ACAD10: variants seen among roughly 807,000 people sequenced by gnomAD.
ACAD10 encodes the protein ACAD-10.
ACAD10 carries 112 observed loss-of-function variants against 116.8 expected under a neutral mutation model. The ratio of observed to expected loss-of-function variants is 0.96; its 90% confidence interval spans 0.82 to 1.12. The LOEUF (loss-of-function observed/expected upper bound fraction) is 1.12, where lower values mean the gene tolerates loss of function less well. ACAD10 is among the 50% of genes most tolerant of loss of function. The probability of loss-of-function intolerance (pLI) is 0.00; values close to 1 mark genes in which losing one functional copy is unlikely to be tolerated. For synonymous variants in ACAD10, 486 were observed against 510.6 expected (o/e 0.95, Z 0.65); for missense variants, 1,259 against 1,350.2 (o/e 0.93, Z 1.06).
rs530648304 is a variant in ACAD10, at chr12:111,712,411, C to T, written c.691-87C>T. 215 of 1,227,182 alleles carry T rather than the reference C, an allele frequency of 1.8e-4. 3 individuals are homozygous for T. The South Asian group carries it at 1.9e-3, about 11-fold the overall frequency. The allele number at this position is 1,227,182 out of a possible 1,614,324, so 76.0% of individuals were successfully genotyped here. Reference sequence around the variant, plus strand: ...TGAATTGTAAAATTAAAAATATATACGTGTATATATTCTCAACATCCTGTG... The same window carrying T: ...TGAATTGTAAAATTAAAAATATATATGTGTATATATTCTCAACATCCTGTG... On this transcript the variant is annotated intron_variant, in intron 5 of 20. Coordinates refer to ENST00000313698, the MANE Select transcript of ACAD10 (RefSeq NM_025247.6).
intron 18 of ACAD10, chr12:111,749,776 AAT>A: frequency 6.6e-6 from 1 of 152,218 alleles, no homozygotes; most frequent in Non-Finnish European, 1.5e-5. Context: ...AAAAAAAAAA[AAT>A]TTTTTTTTTT....
intron 18 of ACAD10, 67 bp downstream of exon 18, chr12:111,749,412 C>G: frequency 6.5e-7 from 1 of 1,546,150 alleles, no homozygotes; most frequent in Non-Finnish European, 8.7e-7. Context: ...TGTCGGACTT[C>G]AATTCCTACC....
intron 14 of ACAD10, among the ~76,000 whole-genome samples, chr12:111,746,782 C>T (rs1593053151): frequency 6.6e-6 from 1 of 152,144 alleles, no homozygotes; most frequent in South Asian, 2.1e-4. Flanking sequence ...TGGGGGATCA[C>T]TTGAGGCCAG....
chr12:111,702,377 A>T, intron 3 of ACAD10, 67 bp downstream of exon 3: 1 of 1,560,440 alleles, frequency 6.4e-7, no homozygotes, highest in Non-Finnish European at 8.7e-7. Flanking sequence ...TGCAACATTC[A>T]TGTATAAGTT....
intron 4 of ACAD10, 139 bp downstream of exon 4, chr12:111,706,071 C>T: frequency 2.3e-6 from 2 of 864,172 alleles, no homozygotes; most frequent in African/African-American, 1.7e-5. Context: ...GGTTTAAATG[C>T]AATATGTTGA....
At chr12:111,712,322 C>T (rs1473311237) in intron 5 of ACAD10, among the ~76,000 whole-genome samples, 176 bp from the exon 6 acceptor site, 1 of 152,148 alleles carries the variant, frequency 6.6e-6, no homozygotes, top group African/African-American at 2.4e-5. Context: ...CAGATAGGAG[C>T]CCCTGAGGCC....
chr12:111,702,833 C>G (rs1379299619), intron 3 of ACAD10, among the ~76,000 whole-genome samples: 1 of 151,940 alleles, frequency 6.6e-6, no homozygotes, highest in Non-Finnish European at 1.5e-5. Context: ...GTGGCTAACA[C>G]CTGTAACTTC....
At chr12:111,737,036 C>T (rs371310378) in intron 12 of ACAD10, 32 bp downstream of exon 12, 36 of 1,605,024 alleles carry the variant, frequency 2.2e-5, no homozygotes, top group Admixed American at 6.7e-5. Context: ...AGAGCCACTG[C>T]GGGGTGAGTC....
intron 3 of ACAD10, 148 bp from the exon 4 acceptor site, chr12:111,705,590 C>G: frequency 1.4e-6 from 1 of 692,890 alleles, no homozygotes; most frequent in Non-Finnish European, 2.4e-6. Flanking sequence ...CTGAGGAACA[C>G]AGTTCCTGCA....
chr12:111,727,893 T>C, intron 8 of ACAD10, 69 bp from the exon 9 acceptor site: 1 of 1,468,448 alleles, frequency 6.8e-7, no homozygotes, highest in Non-Finnish European at 9.2e-7. Flanking sequence ...TGACAAAGAA[T>C]AGGGTCATGA....
Position 111,692,731 on chromosome 12 carries a change from C to T in ACAD10, c.22C>T (p.Gln8Ter). 3 of 1,614,094 alleles carry T rather than the reference C, an allele frequency of 1.9e-6. No individual in the cohort carries two copies. The highest frequency in any genetic ancestry group is 2.5e-6 in the Non-Finnish European group (3 of 1,179,994). The change falls in exon 2 of 21, where the codon CAG (glutamine) becomes TAG (stop). Residue 8 changes from glutamine to a stop codon, truncating the protein, a stop_gained. Coordinates refer to ENST00000313698, the MANE Select transcript of ACAD10 (RefSeq NM_025247.6). LOFTEE classifies it high-confidence loss of function. The stretch of plus-strand genomic sequence containing the variant: ...CACCATGTGTGTCAGGAGCTGTTTC[C>T]AGTCCCCCCGTCTCCAGTGGGTGTG... MCVRSCF[Q>*]SPRLQWVWRT... is the part of the protein sequence containing the mutation.
At chr12:111,749,047 C>T (rs750181155) in intron 17 of ACAD10, 126 bp from the exon 18 acceptor site, 1 of 1,613,030 alleles carries the variant, frequency 6.2e-7, no homozygotes, top group South Asian at 1.1e-5. Flanking sequence ...TAACCATGTC[C>T]CAGTAAGAAG....
In ACAD10 at chr12:111,748,252, C is replaced by T. The variant is rs775986416; in HGVS notation, c.2486-65C>T. The T allele has an allele frequency of 3.2e-5, 51 of 1,593,818 alleles. 2 individuals carry two copies. The South Asian group carries it at 3.7e-4, about 12-fold the overall frequency. On this transcript the variant is annotated intron_variant, in intron 16 of 20. Transcript: ENST00000313698. ...CTGTGCCTTTCTTGGGCCAGGACCA[C>T]GTGTGTAGAGATTTGATGGCCCTGG...
chr12:111,754,179 TTGG>T (rs1890146065), intron 19 of ACAD10, among the ~76,000 whole-genome samples: 1 of 152,090 alleles, frequency 6.6e-6, no homozygotes, highest in African/African-American at 2.4e-5. Flanking sequence ...CCCAGGGCCA[TTGG>T]TGGAGGTGTT....
chr12:111,702,769 T>C (rs755201452), intron 3 of ACAD10, among the ~76,000 whole-genome samples: 25 of 152,040 alleles, frequency 1.6e-4, no homozygotes, highest in Non-Finnish European at 3.2e-4. Context: ...CACCCCTAGG[T>C]GTTCAATGTT....
In ACAD10 at chr12:111,748,483, C is replaced by T; in HGVS notation, c.2644+8C>T. On this transcript the variant is annotated splice_region_variant and intron_variant, in intron 17 of 20. Coordinates refer to ENST00000313698, the MANE Select transcript of ACAD10 (RefSeq NM_025247.6). ...GACTGGAAGATGCACCAGGTGAGAC[C>T]TCCAGGGGCGGGTCACCCCTGGGTG... 1.9e-6 allele frequency: 3 copies of T among 1,612,710 alleles called. No individual in the cohort carries two copies. The highest frequency in any genetic ancestry group is 2.5e-6 in the Non-Finnish European group (3 of 1,179,918).
intron 8 of ACAD10, 188 bp downstream of exon 8, chr12:111,721,927 T>C (rs1180242050): frequency 2.5e-6 from 1 of 407,334 alleles, no homozygotes; most frequent in African/African-American, 2.0e-5. Context: ...TATGCCTGCT[T>C]TAGGGATAAT....
At chr12:111,713,317 A>G (rs570032033) in intron 6 of ACAD10, among the ~76,000 whole-genome samples, 28 of 132,732 alleles carry the variant, frequency 2.1e-4, no homozygotes, top group East Asian at 6.3e-4. Context: ...TCTCGGGGGG[A>G]AAAAAAAAAA....
At chr12:111,709,308 T>A (rs1259695763) in intron 4 of ACAD10, among the ~76,000 whole-genome samples, 1 of 152,204 alleles carries the variant, frequency 6.6e-6, no homozygotes, top group Non-Finnish European at 1.5e-5. Flanking sequence ...AAACAGACAC[T>A]TTGGTTTCTC....
Sources: gnomAD v4.1 joint callset for allele counts (sites outside exome capture counted in the v4.1 genomes callset) on GRCh38, gnomAD v4.1.1 for gene constraint, MANE v1.5 for transcripts, NCBI Gene and HGNC (gene_info 2026-07-23, HGNC 2026-07-21) for gene names.